The following CNTN5 variants were observed in gnomAD, a reference collection of about 807,000 sequenced individuals.
CNTN5 encodes the protein contactin 5, also known as contactin-5.
CNTN5 carries 77 observed loss-of-function variants against 129.1 expected under a neutral mutation model. That is an observed-to-expected ratio of 0.60 (90% CI 0.50 to 0.72). The LOEUF is 0.72. Ranked by LOEUF, CNTN5 falls within the 30% of genes least tolerant of loss-of-function variation. The pLI, the probability that CNTN5 is intolerant of heterozygous loss-of-function variation, is 0.00. For synonymous variants in CNTN5, 509 were observed against 465.6 expected (o/e 1.09, Z -1.20); for missense variants, 1,478 against 1,328.8 (o/e 1.11, Z -1.75).
At chr11:99,222,826 G>C (rs189844169) in intron 1 of CNTN5, among the ~76,000 whole-genome samples, 2 of 151,984 alleles carry the variant, frequency 1.3e-5, no homozygotes, top group South Asian at 4.2e-4. Flanking sequence ...TTGTCTAGTC[G>C]CCATTCTTAA....
chr11:99,990,584 G>T (rs1413885991), intron 8 of CNTN5, among the ~76,000 whole-genome samples: 1 of 151,574 alleles, frequency 6.6e-6, no homozygotes, highest in Non-Finnish European at 1.5e-5. Context: ...GCATTTATTT[G>T]TTGGTAACAT....
chr11:99,303,515 A>G (rs928133707), intron 1 of CNTN5, among the ~76,000 whole-genome samples: 28 of 150,324 alleles, frequency 1.9e-4, no homozygotes, highest in Middle Eastern at 3.4e-3. Flanking sequence ...TACCAAAGAT[A>G]GGAAATGGCA....
intron 3 of CNTN5, among the ~76,000 whole-genome samples, chr11:99,769,712 G>A (rs1200292107): frequency 6.6e-6 from 1 of 151,792 alleles, no homozygotes; most frequent in Admixed American, 6.6e-5. Context: ...TACTTCGGAG[G>A]CTGAGGTGGG....
At chr11:99,994,232 G>T (rs932251477) in intron 8 of CNTN5, among the ~76,000 whole-genome samples, 1 of 152,132 alleles carries the variant, frequency 6.6e-6, no homozygotes, top group South Asian at 2.1e-4. Context: ...ATATGGATCT[G>T]ATCTGACTCA....
At chr11:99,993,439 G>A (rs1301971800) in intron 8 of CNTN5, among the ~76,000 whole-genome samples, 1 of 152,200 alleles carries the variant, frequency 6.6e-6, no homozygotes, top group South Asian at 2.1e-4. Context: ...CAACCATTTT[G>A]GCACCAGGGA....
intron 13 of CNTN5, among the ~76,000 whole-genome samples, chr11:100,158,411 G>C (rs919144337): frequency 6.6e-6 from 1 of 151,818 alleles, no homozygotes. Flanking sequence ...ACTTCAAGGT[G>C]ATGCATATAT....
At chr11:100,040,786 T>G (rs1942333644) in intron 9 of CNTN5, among the ~76,000 whole-genome samples, 1 of 152,182 alleles carries the variant, frequency 6.6e-6, no homozygotes, top group Admixed American at 6.5e-5. Context: ...AAGTGCGGGA[T>G]ATAATCTCCT....
intron 23 of CNTN5, among the ~76,000 whole-genome samples, chr11:100,346,649 A>G: frequency 6.6e-6 from 1 of 152,254 alleles, no homozygotes; most frequent in African/African-American, 2.4e-5. Flanking sequence ...TTTCCTAGAT[A>G]TACAACCCCT....
chr11:100,155,014 C>A (rs970434224), intron 13 of CNTN5, among the ~76,000 whole-genome samples: 1 of 152,068 alleles, frequency 6.6e-6, no homozygotes, highest in Non-Finnish European at 1.5e-5. Context: ...TGCAGAAACT[C>A]TTTAGTTTAA....
At chr11:100,108,816 G>A (rs1297278464) in intron 13 of CNTN5, among the ~76,000 whole-genome samples, 1 of 151,656 alleles carries the variant, frequency 6.6e-6, no homozygotes, top group African/African-American at 2.4e-5. Context: ...TCTCACAACT[G>A]TATCTAGTAT....
chr11:99,361,007 C>T (rs1283503129), intron 2 of CNTN5, among the ~76,000 whole-genome samples: 2 of 152,126 alleles, frequency 1.3e-5, no homozygotes, highest in Non-Finnish European at 2.9e-5. Context: ...AGAATTTCTG[C>T]TTTCCATAAA....
At chr11:100,094,829 G>T (rs144126877) in intron 13 of CNTN5, among the ~76,000 whole-genome samples, 42 of 148,152 alleles carry the variant, frequency 2.8e-4, no homozygotes, top group African/African-American at 9.4e-4. Context: ...AATTAAAGGA[G>T]AAAAAAATCA....
chr11:100,154,578 G>T (rs571877300), intron 13 of CNTN5, among the ~76,000 whole-genome samples: 4 of 152,076 alleles, frequency 2.6e-5, no homozygotes, highest in Non-Finnish European at 5.9e-5. Context: ...TCTGGTTCTC[G>T]ATCCTTGAGG....
At chr11:99,485,438 C>T (rs1333251652) in intron 2 of CNTN5, among the ~76,000 whole-genome samples, 1 of 152,014 alleles carries the variant, frequency 6.6e-6, no homozygotes, top group Non-Finnish European at 1.5e-5. Flanking sequence ...GATCTTTGGA[C>T]ATAATGATTT....
At chr11:99,350,860 A>T (rs1938248878) in intron 2 of CNTN5, among the ~76,000 whole-genome samples, 1 of 152,120 alleles carries the variant, frequency 6.6e-6, no homozygotes, top group Non-Finnish European at 1.5e-5. Context: ...AGTGGGAACT[A>T]AAGTGCTTTG....
chr11:99,776,133 C>A (rs550828900), intron 3 of CNTN5, among the ~76,000 whole-genome samples: 137 of 151,456 alleles, frequency 9.0e-4, no homozygotes, highest in Non-Finnish European at 1.7e-3. Context: ...ACACTCTGTG[C>A]TAGGCATTGC....
At chr11:100,043,268 A>G (rs749205129) in intron 9 of CNTN5, among the ~76,000 whole-genome samples, 12 of 152,216 alleles carry the variant, frequency 7.9e-5, no homozygotes, top group Non-Finnish European at 1.5e-4. Flanking sequence ...TGCATATGGC[A>G]TATTCATAAT....
chr11:99,301,979 G>T (rs559702391), intron 1 of CNTN5, among the ~76,000 whole-genome samples: 2 of 151,432 alleles, frequency 1.3e-5, no homozygotes, highest in Non-Finnish European at 3.0e-5. Context: ...AAAAAAACCC[G>T]TGGGCCAAAG....
intron 4 of CNTN5, among the ~76,000 whole-genome samples, chr11:99,823,514 A>G (rs1274127901): frequency 6.7e-6 from 1 of 150,042 alleles, no homozygotes; most frequent in Non-Finnish European, 1.5e-5. Context: ...AGAAAATCTG[A>G]AAAAAAAAGG....
Sources: allele counts gnomAD v4.1 joint callset (sites outside exome capture counted in the v4.1 genomes callset), GRCh38; gene constraint gnomAD v4.1.1; transcripts MANE v1.5; gene names NCBI Gene and HGNC (gene_info 2026-07-23, HGNC 2026-07-21).